The following ZNF350 variants were observed in gnomAD, a reference collection of about 807,000 sequenced individuals.
The protein encoded by ZNF350 is zinc finger protein 350.
ZNF350 carries 5 observed loss-of-function variants against 13.1 expected under a neutral mutation model. That is an observed-to-expected ratio of 0.38 (90% CI 0.20 to 0.80). The LOEUF is 0.80. Among genes scored for constraint, ZNF350 ranks in the 30% least tolerant of loss-of-function variants. The probability of loss-of-function intolerance (pLI) is 0.43; values close to 1 mark genes in which losing one functional copy is unlikely to be tolerated. For missense variants in ZNF350, 534 were observed against 644.2 expected, an observed-to-expected ratio of 0.83 and a Z score of 1.85; for synonymous variants, 199 against 224.2, an observed-to-expected ratio of 0.89 and a Z score of 1.00.
chr19:51,981,801 C>G (rs2086052755), intron 1 of ZNF350: 1 of 152,144 alleles, frequency 6.6e-6, no homozygotes, highest in Non-Finnish European at 1.5e-5. Context: ...TAACAACAGT[C>G]TTGAAATGTA....
At chr19:51,981,147 T>C (rs2086025702) in intron 1 of ZNF350, 1 of 152,168 alleles carries the variant, frequency 6.6e-6, no homozygotes, top group Admixed American at 6.5e-5. Context: ...CCTGCCAACA[T>C]AAGGTTTGCT....
intron 2 of ZNF350, among the ~76,000 whole-genome samples, chr19:51,971,246 T>C (rs919588715): frequency 1.3e-5 from 2 of 152,210 alleles, no homozygotes; most frequent in Non-Finnish European, 2.9e-5. Context: ...CTGGTTGGTT[T>C]ACCCATTCTA....
intron 1 of ZNF350, among the ~76,000 whole-genome samples, chr19:51,977,751 G>A (rs925484753): frequency 5.3e-5 from 8 of 152,216 alleles, no homozygotes; most frequent in South Asian, 2.1e-4. Flanking sequence ...GAATGCAAAC[G>A]TGTACTGTAA....
intron 1 of ZNF350, among the ~76,000 whole-genome samples, chr19:51,977,176 T>C (rs558418807): frequency 5.9e-5 from 9 of 152,138 alleles, no homozygotes; most frequent in South Asian, 2.1e-4. Context: ...TTTTCCTATT[T>C]CCATCAGGCC....
At chr19:51,969,412 T>C (rs1046949529) in intron 2 of ZNF350, among the ~76,000 whole-genome samples, 2 of 151,982 alleles carry the variant, frequency 1.3e-5, no homozygotes, top group African/African-American at 4.8e-5. Flanking sequence ...TAAATATATA[T>C]GAATATATGT....
intron 2 of ZNF350, chr19:51,972,947 CTTT>C (rs375399970): frequency 4.6e-5 from 6 of 129,514 alleles, no homozygotes; most frequent in Admixed American, 7.9e-5. Context: ...CAGCCAGAAA[CTTT>C]TTTTTTTTTT....
chr19:51,977,544 T>A (rs975450397), intron 1 of ZNF350, among the ~76,000 whole-genome samples: 1 of 152,188 alleles, frequency 6.6e-6, no homozygotes, highest in African/African-American at 2.4e-5. Context: ...ATGCTGCTTA[T>A]CAGCAGTGTA....
In ZNF350 at chr19:51,965,654, A is replaced by T; in HGVS notation, c.799T>A (p.Cys267Ser). 2 of 1,614,228 alleles carry T rather than the reference A, an allele frequency of 1.2e-6. No homozygotes were observed. Among genetic ancestry groups the T allele is most frequent in the Non-Finnish European group, 1.7e-6 (2 of 1,180,044 alleles). Residue 267 changes from cysteine to serine, a missense_variant, in exon 5 of 5, where the codon TGT becomes AGT. Coordinates refer to ENST00000243644, the MANE Select transcript of ZNF350 (RefSeq NM_021632.4). ...TGEKPYECPE[C>S]GKAFLKKSRL... is the part of the protein sequence containing the mutation. Reference sequence around the variant, plus strand: ...GATTTCTTGAGAAAGGCTTTGCCACATTCAGGGCATTCATAAGGTTTTTCT... The same window carrying T: ...GATTTCTTGAGAAAGGCTTTGCCACTTTCAGGGCATTCATAAGGTTTTTCT...
chr19:51,964,937 C>T lies in ZNF350; in HGVS notation c.1516G>A (p.Asp506Asn), dbSNP rs1191683060. The change falls in exon 5 of 5, where the codon GAC becomes AAC. Residue 506 changes from aspartate (D) to asparagine (N), a missense_variant. Coordinates refer to ENST00000243644, the MANE Select transcript of ZNF350 (RefSeq NM_021632.4). The stretch of plus-strand genomic sequence containing the variant: ...TTCACTGCATTCACAAGGTTTCTGT[C>T]CTGTGCAAATCCTCTGTTATCTCCT... Reference protein sequence around the residue: ...ASGDNRGFAQDRNLVNAVNVV... With the variant: ...ASGDNRGFAQNRNLVNAVNVV... 1.9e-6 allele frequency: 3 copies of T among 1,614,204 alleles called. No individual in the cohort carries two copies. Among genetic ancestry groups the T allele is most frequent in the Non-Finnish European group, 2.5e-6 (3 of 1,180,026 alleles).
chr19:51,971,541 T>G (rs566231125), intron 2 of ZNF350, among the ~76,000 whole-genome samples: 2 of 152,354 alleles, frequency 1.3e-5, no homozygotes, highest in East Asian at 3.9e-4. Flanking sequence ...CCATTGCTCC[T>G]GCCGACAGAA....
chr19:51,971,404 C>T (rs151294328), intron 2 of ZNF350, among the ~76,000 whole-genome samples: 258 of 152,332 alleles, frequency 1.7e-3, no homozygotes, highest in African/African-American at 4.6e-3. Context: ...AGTGTTCACA[C>T]CTTTATGTAG....
chr19:51,971,834 C>T (rs147787296), intron 2 of ZNF350, among the ~76,000 whole-genome samples: 315 of 152,244 alleles, frequency 2.1e-3, no homozygotes, highest in African/African-American at 4.7e-3. Flanking sequence ...TAGGTCTGTG[C>T]GGGTTACAAG....
chr19:51,965,899 A>C lies in ZNF350; in HGVS notation c.554T>G (p.Ile185Ser). The stretch of plus-strand genomic sequence containing the variant: ...ACTGATGAATTGGGACTTAGTGCTG[A>C]TGAGTTTTTGACTTGCAGGGAATTT... ...AIKFPASQKL[I>S]STKSQFISPK... Residue 185 changes from isoleucine to serine, a missense_variant, in exon 5 of 5, where the codon ATC becomes AGC. Coordinates refer to ENST00000243644, the MANE Select transcript of ZNF350 (RefSeq NM_021632.4). The C allele has an allele frequency of 6.2e-7, 1 of 1,614,116 alleles. No individual in the cohort carries two copies. Among genetic ancestry groups the C allele is most frequent in the Non-Finnish European group, 8.5e-7 (1 of 1,180,038 alleles).
At chr19:51,977,758 G>A (rs1166342072) in intron 1 of ZNF350, among the ~76,000 whole-genome samples, 2 of 152,240 alleles carry the variant, frequency 1.3e-5, no homozygotes, top group Non-Finnish European at 2.9e-5. Flanking sequence ...AACGTGTACT[G>A]TAAACGTGCA....
intron 1 of ZNF350, chr19:51,980,851 T>C (rs1195533286): frequency 1.3e-5 from 2 of 152,236 alleles, no homozygotes; most frequent in African/African-American, 2.4e-5. Context: ...CCCTTGGACC[T>C]ATCTAAGGCA....
At chr19:51,977,763 C>T (rs921308504) in intron 1 of ZNF350, among the ~76,000 whole-genome samples, 3 of 152,190 alleles carry the variant, frequency 2.0e-5, no homozygotes, top group African/African-American at 4.8e-5. Flanking sequence ...GTACTGTAAA[C>T]GTGCACTGGC....
rs2085663229 is a variant in ZNF350 at position 51,969,209 on chromosome 19, T to C, written c.16-78A>G. On this transcript the variant is annotated intron_variant, in intron 2 of 4. Coordinates refer to ENST00000243644, the MANE Select transcript of ZNF350 (RefSeq NM_021632.4). ...AAATGCTAAAGTTTTTCTGCTCATTTCCACTCTACAGGCTGTGTGCATATA... is the reference window on the plus strand; with the variant it reads ...AAATGCTAAAGTTTTTCTGCTCATTCCCACTCTACAGGCTGTGTGCATATA... 3 of 1,560,748 alleles carry C rather than the reference T, an allele frequency of 1.9e-6. No homozygotes were observed. The East Asian group carries it at 6.8e-5, about 35-fold the overall frequency.
intron 1 of ZNF350, among the ~76,000 whole-genome samples, chr19:51,975,446 A>AC (rs1555765225): frequency 4.6e-5 from 7 of 151,168 alleles, no homozygotes; most frequent in East Asian, 1.9e-4. Context: ...AAAAAAAAAA[A>AC]AAAAAACTAG....
intron 1 of ZNF350, among the ~76,000 whole-genome samples, chr19:51,980,224 A>G (rs1395817761): frequency 6.6e-6 from 1 of 152,190 alleles, no homozygotes; most frequent in African/African-American, 2.4e-5. Context: ...CGAACACATA[A>G]TATCTCTACT....
Sources: allele counts gnomAD v4.1 joint callset (sites outside exome capture counted in the v4.1 genomes callset), GRCh38; gene constraint gnomAD v4.1.1; transcripts MANE v1.5; gene names NCBI Gene and HGNC (gene_info 2026-07-23, HGNC 2026-07-21).